Variants in GRIK1 observed in about 807,000 individuals in gnomAD.
GRIK1 encodes the protein glutamate receptor ionotropic, kainate 1.
GRIK1 carries 69 observed loss-of-function variants against 105.7 expected under a neutral mutation model. That is an observed-to-expected ratio of 0.65 (90% CI 0.54 to 0.80). The LOEUF (loss-of-function observed/expected upper bound fraction) is 0.80, where lower values mean the gene tolerates loss of function less well. GRIK1 is among the 30% of genes least tolerant of loss of function. GRIK1 has a pLI of 0.00. For synonymous variants in GRIK1, 438 were observed against 431.3 expected, an observed-to-expected ratio of 1.02 and a Z score of -0.19; for missense variants, 1,109 against 1,167.3, an observed-to-expected ratio of 0.95 and a Z score of 0.73.
Position 29,588,930 on chromosome 21 carries a change from A to G in GRIK1, c.1478T>C (p.Ile493Thr). 6.2e-7 allele frequency: 1 copy of G among 1,606,316 alleles called. No homozygotes were observed. ...LKELSNILGF[I>T]YDVKLVPDGK... ...ATCGGGAACTAGTTTAACATCATAA[A>G]TGAAACCCAGGATGTTTGACAATTC... The change falls in exon 11 of 18, where the codon ATT (isoleucine) becomes ACT (threonine). Residue 493 changes from isoleucine (I) to threonine (T), a missense_variant. By Grantham distance (89) the Ile-to-Thr change is moderately conservative (BLOSUM62 -1). Coordinates refer to ENST00000327783, the MANE Select transcript of GRIK1 (RefSeq NM_001330994.2).
At chr21:29,900,462 G>GAAAAAAAAAAAAAAAAAA (rs796090417) in intron 1 of GRIK1, among the ~76,000 whole-genome samples, 1 of 76,932 alleles carries the variant, frequency 1.3e-5, no homozygotes, top group African/African-American at 3.8e-5. Flanking sequence ...TGGAAAGCAA[G>GAAAAAAAAAAAAAAAAAA]AAAAAAAAAA....
At chr21:29,784,474 T>C (rs938791354) in intron 1 of GRIK1, among the ~76,000 whole-genome samples, 4 of 152,172 alleles carry the variant, frequency 2.6e-5, no homozygotes, top group African/African-American at 9.6e-5. Context: ...ATACAGTGGG[T>C]GTTGTTTGGG....
intron 1 of GRIK1, among the ~76,000 whole-genome samples, chr21:29,767,215 CAAAT>C (rs982566060): frequency 6.6e-6 from 1 of 152,068 alleles, no homozygotes; most frequent in African/African-American, 2.4e-5. Context: ...GGGAAATGGT[CAAAT>C]AAAGGAATGG....
chr21:29,877,675 G>A (rs554603925), intron 1 of GRIK1, among the ~76,000 whole-genome samples: 1 of 152,222 alleles, frequency 6.6e-6, no homozygotes, highest in South Asian at 2.1e-4. Context: ...TGTTTAAAAT[G>A]TCAAGAGTTT....
At chr21:29,591,885 CA>C in intron 9 of GRIK1, among the ~76,000 whole-genome samples, 1 of 151,634 alleles carries the variant, frequency 6.6e-6, no homozygotes, top group East Asian at 1.9e-4. Context: ...CCGATCTATA[CA>C]AAAAATTAAA....
At chr21:29,694,501 G>T (rs771154599) in intron 1 of GRIK1, among the ~76,000 whole-genome samples, 2 of 152,048 alleles carry the variant, frequency 1.3e-5, no homozygotes, top group South Asian at 2.1e-4. Flanking sequence ...CCTAAATCCC[G>T]GGCTAAAAGT....
intron 1 of GRIK1, among the ~76,000 whole-genome samples, chr21:29,915,865 A>C (rs2070977845): frequency 6.6e-6 from 1 of 151,958 alleles, no homozygotes; most frequent in Non-Finnish European, 1.5e-5. Flanking sequence ...CTCTTTGTTT[A>C]TCTGTGGATC....
intron 1 of GRIK1, among the ~76,000 whole-genome samples, chr21:29,856,994 G>A (rs2068483545): frequency 6.6e-6 from 1 of 152,134 alleles, no homozygotes; most frequent in African/African-American, 2.4e-5. Flanking sequence ...AGGTAAGAGA[G>A]CTAAGGTGGG....
rs948428817 is a variant in GRIK1, at chr21:29,576,832, A to C, written c.2130+132T>G. The C allele has an allele frequency of 1.5e-5, 9 of 617,288 alleles. No homozygotes were observed. In the African/African-American group the frequency reaches 1.7e-4, roughly 11 times the overall value. The allele number at this position is 617,288 out of a possible 1,614,324, so 38.2% of individuals were successfully genotyped here. A position where few individuals can be genotyped will look rare whatever the true frequency, so the allele number is the denominator to read the frequency against. ...CTTATAATGGGATTATGTAATTATA[A>C]ATTTTATTTCATTAAAAAAATTACC... On this transcript the variant is annotated intron_variant, in intron 14 of 17. Transcript: ENST00000327783.
chr21:29,586,031 T>C (rs951043174), intron 12 of GRIK1, among the ~76,000 whole-genome samples: 1 of 152,218 alleles, frequency 6.6e-6, no homozygotes, highest in African/African-American at 2.4e-5. Flanking sequence ...AAAAAAATGT[T>C]TGTAGACATT....
At chr21:29,702,160 G>A (rs1337217054) in intron 1 of GRIK1, among the ~76,000 whole-genome samples, 2 of 152,174 alleles carry the variant, frequency 1.3e-5, no homozygotes, top group South Asian at 4.1e-4. Context: ...AAGGGTGGGA[G>A]GAGGGAGAGG....
At chr21:29,933,413 G>T (rs1380483877) in intron 1 of GRIK1, among the ~76,000 whole-genome samples, 1 of 152,108 alleles carries the variant, frequency 6.6e-6, no homozygotes, top group Non-Finnish European at 1.5e-5. Context: ...ATTCAAATAA[G>T]GGTCTTCCAA....
chr21:29,855,966 T>C (rs1001481670), intron 1 of GRIK1, among the ~76,000 whole-genome samples: 4 of 152,112 alleles, frequency 2.6e-5, no homozygotes, highest in African/African-American at 4.8e-5. Flanking sequence ...AAGACTGGAA[T>C]TGGGGGGAAA....
chr21:29,647,973 T>A (rs955858028), intron 6 of GRIK1, among the ~76,000 whole-genome samples: 7 of 152,228 alleles, frequency 4.6e-5, no homozygotes, highest in Non-Finnish European at 1.0e-4. Flanking sequence ...CTATTGTTCT[T>A]AAGTCTGGTG....
chr21:29,910,251 C>G (rs981585081), intron 1 of GRIK1, among the ~76,000 whole-genome samples: 9 of 152,074 alleles, frequency 5.9e-5, no homozygotes, highest in African/African-American at 2.2e-4. Context: ...AAAAGACCTT[C>G]GAATAAATTC....
chr21:29,888,197 C>CTTTCTTTCTT lies in GRIK1; in HGVS notation c.118+51185_118+51186insAAGAAAGAAA, dbSNP rs59241719. Among the ~76,000 whole-genome samples, 23 of 22,338 alleles carry CTTTCTTTCTT rather than the reference C, an allele frequency of 1.0e-3. 1 individual carries two copies. Among genetic ancestry groups the CTTTCTTTCTT allele is most frequent in the African/African-American group, 1.8e-3 (19 of 10,278 alleles). The allele number at this position is 22,338 out of a possible 152,430, so 14.7% of individuals were successfully genotyped here. A position where few individuals can be genotyped will look rare whatever the true frequency, so the allele number is the denominator to read the frequency against. ...TCTTTCTTTCTTCCTTTCTTTCTTT[C>CTTTCTTTCTT]TCTCTCTCTCTCTCTCTCTCTCTCT... On this transcript the variant is annotated intron_variant, in intron 1 of 17. Transcript: ENST00000327783.
chr21:29,628,486 C>A (rs1482849841), intron 7 of GRIK1, among the ~76,000 whole-genome samples: 1 of 152,178 alleles, frequency 6.6e-6, no homozygotes, highest in African/African-American at 2.4e-5. Context: ...AATCTGCTGA[C>A]TTTAACTATG....
chr21:29,642,341 T>C (rs1453425883), intron 7 of GRIK1, among the ~76,000 whole-genome samples: 2 of 152,224 alleles, frequency 1.3e-5, no homozygotes, highest in Non-Finnish European at 2.9e-5. Flanking sequence ...GAATAAACTT[T>C]TCCAGTTAGC....
In GRIK1 at chr21:29,577,560, C is replaced by A. The variant is rs913529325; in HGVS notation, c.1913-379G>T. On this transcript the variant is annotated intron_variant, in intron 13 of 17. Coordinates refer to ENST00000327783, the MANE Select transcript of GRIK1 (RefSeq NM_001330994.2). ...TAAAATATTCTGCGTCTTTGTATAACTATGAAAATATTTGAAATGCTAACA... is the reference window on the plus strand; with the variant it reads ...TAAAATATTCTGCGTCTTTGTATAAATATGAAAATATTTGAAATGCTAACA... Among the ~76,000 whole-genome samples the A allele has an allele frequency of 2.6e-5, 4 of 152,266 alleles. No homozygotes were observed. In the East Asian group the frequency reaches 7.7e-4, roughly 29 times the overall value.
Sources: gnomAD v4.1 joint callset for allele counts (sites outside exome capture counted in the v4.1 genomes callset) on GRCh38, gnomAD v4.1.1 for gene constraint, MANE v1.5 for transcripts, NCBI Gene and HGNC (gene_info 2026-07-23, HGNC 2026-07-21) for gene names.